EVC2: variants seen among roughly 807,000 people sequenced by gnomAD.
EVC2 encodes EvC ciliary complex subunit 2.
A neutral mutation model predicts 149.3 loss-of-function variants in EVC2; 148 were observed. The ratio of observed to expected loss-of-function variants is 0.99; its 90% CI spans 0.87 to 1.14. The LOEUF (loss-of-function observed/expected upper bound fraction) is 1.14, where lower values mean the gene tolerates loss of function less well. EVC2 is among the 50% of genes most tolerant of loss of function. EVC2 has a pLI of 0.00. For synonymous variants in EVC2, 776 were observed against 649.9 expected (o/e 1.19, Z -2.95); for missense variants, 1,854 against 1,627.3 (o/e 1.14, Z -2.40).
At chr4:5,669,392 T>C (rs1719483959) in intron 7 of EVC2, among the ~76,000 whole-genome samples, 1 of 152,212 alleles carries the variant, frequency 6.6e-6, no homozygotes, top group Non-Finnish European at 1.5e-5. Flanking sequence ...TTAATTGATG[T>C]CCACAGCTAA....
intron 7 of EVC2, among the ~76,000 whole-genome samples, chr4:5,675,030 G>C (rs1403067919): frequency 2.6e-5 from 4 of 152,154 alleles, no homozygotes; most frequent in Non-Finnish European, 5.9e-5. Context: ...AGAGTGACAC[G>C]GGCCGCCACT....
rs1577175315 is a variant in EVC2 at position 5,625,863 on chromosome 4, C to T, written c.1932G>A (p.Arg644=). The T allele has an allele frequency of 1.9e-6, 3 of 1,613,990 alleles. No homozygotes were observed. Among genetic ancestry groups the T allele is most frequent in the East Asian group, 4.5e-5 (2 of 44,866 alleles). ...DEDQMEMLLE[R]AQTEVFSIKQ... ...TGATTGAAAAGACTTCTGTCTGAGC[C>T]CGCTCCAATAGCATTTCCATTTGGT... is the stretch of plus-strand genomic sequence containing the variant. Residue 644 remains arginine, a synonymous_variant, in exon 13 of 22, where the codon CGG becomes CGA. Coordinates refer to ENST00000344408, the MANE Select transcript of EVC2 (RefSeq NM_147127.5). This position sits in a 1 kb window ranked among gnomAD's most constrained non-coding sequence, Gnocchi z 4.0.
chr4:5,647,687 C>T (rs76191785), intron 9 of EVC2, among the ~76,000 whole-genome samples: 5,807 of 152,248 alleles, frequency 0.038, 388 homozygotes, highest in African/African-American at 0.13. Context: ...ACATCTTAAA[C>T]GAAGCCTTAT....
At chr4:5,626,954 C>G (rs774076629) in intron 12 of EVC2, among the ~76,000 whole-genome samples, 2 of 152,200 alleles carry the variant, frequency 1.3e-5, no homozygotes, top group Non-Finnish European at 2.9e-5. Context: ...AGCTTGCAGG[C>G]AGCAGACAAT....
At position 5,697,602 on chromosome 4, in the gene EVC2, T is replaced by TA. The variant is rs2151739536; in HGVS notation, c.273dup (p.Lys92Ter). 2 of 1,614,166 alleles carry TA rather than the reference T, an allele frequency of 1.2e-6. No individual in the cohort carries two copies. Among genetic ancestry groups the TA allele is most frequent in the South Asian group, 1.1e-5 (1 of 91,090 alleles). ...CAGAAGAAAAACTCACCTGCAGTCT[T>TA]AAAGTGACAGCATTCCACTTTGGGC... is the stretch of plus-strand genomic sequence containing the variant. On this transcript the variant is annotated frameshift_variant, in exon 2 of 22. Coordinates refer to ENST00000344408, the MANE Select transcript of EVC2 (RefSeq NM_147127.5). LOFTEE classifies it high-confidence loss of function.
chr4:5,685,502 G>T (rs756494631), intron 5 of EVC2, 23 bp from the exon 6 acceptor site: 2 of 1,607,622 alleles, frequency 1.2e-6, no homozygotes, highest in East Asian at 2.2e-5. Context: ...AAGCACATGT[G>T]ACTCAGGGAG....
intron 16 of EVC2, among the ~76,000 whole-genome samples, chr4:5,607,242 C>T (rs1386209539): frequency 3.9e-5 from 6 of 151,978 alleles, no homozygotes; most frequent in South Asian, 2.1e-4. Flanking sequence ...TTGAGATGTA[C>T]GATCTCTCTA....
At chr4:5,667,762 G>C (rs1047733483) in intron 7 of EVC2, among the ~76,000 whole-genome samples, 1 of 152,254 alleles carries the variant, frequency 6.6e-6, no homozygotes, top group Admixed American at 6.5e-5. Flanking sequence ...TAGGGACTCA[G>C]TGTCCAGGGT....
At chr4:5,605,340 A>T (rs1714302799) in intron 16 of EVC2, among the ~76,000 whole-genome samples, 1 of 152,126 alleles carries the variant, frequency 6.6e-6, no homozygotes, top group African/African-American at 2.4e-5. Context: ...TCTGCTCTAC[A>T]AATCATAGAC....
intron 13 of EVC2, 36 bp from the exon 14 acceptor site, chr4:5,623,027 G>A: frequency 5.6e-6 from 9 of 1,603,200 alleles, no homozygotes; most frequent in Non-Finnish European, 6.0e-6. Context: ...GTGGGGGTGG[G>A]GCTTGGCGGG....
intron 6 of EVC2, 109 bp from the exon 7 acceptor site, chr4:5,681,422 T>C: frequency 9.0e-7 from 1 of 1,113,076 alleles, no homozygotes; most frequent in Middle Eastern, 1.9e-4. Context: ...CAATCAGCCC[T>C]AACTGCTGCA....
At chr4:5,626,640 T>G (rs1174858300) in intron 12 of EVC2, among the ~76,000 whole-genome samples, 2 of 152,018 alleles carry the variant, frequency 1.3e-5, no homozygotes, top group Non-Finnish European at 2.9e-5. Context: ...GGCCGAAACA[T>G]TCTTTTTGGG....
intron 16 of EVC2, among the ~76,000 whole-genome samples, chr4:5,612,887 A>G (rs1318479951): frequency 7.4e-6 from 1 of 134,356 alleles, no homozygotes; most frequent in African/African-American, 2.9e-5. Flanking sequence ...GTGCCACTGC[A>G]CTCCAGCCTG....
the EVC2 span, among the ~76,000 whole-genome samples, chr4:5,535,642 A>AGAGAG: frequency 1.3e-5 from 2 of 151,582 alleles, no homozygotes; most frequent in Non-Finnish European, 2.9e-5. This position sits in a 1 kb window ranked among gnomAD's most constrained non-coding sequence, Gnocchi z 4.7. Context: ...AGAAAGAGAT[A>AGAGAG]ATCTCCTGTT....
intron 21 of EVC2, among the ~76,000 whole-genome samples, chr4:5,549,805 G>C (rs1441794962): frequency 1.3e-5 from 2 of 152,172 alleles, no homozygotes; most frequent in Admixed American, 6.5e-5. Flanking sequence ...ATATGGTTTT[G>C]CTGTATCCCC....
rs1722955214 is a variant in EVC2, at chr4:5,576,666, A to G, written c.3058-212T>C. ...TGCCTCCACATAGGCCGTTCCCTCC[A>G]CCTGCAGTGCCTTTCTCTGTCTGCC... is the stretch of plus-strand genomic sequence containing the variant. On this transcript the variant is annotated intron_variant, in intron 17 of 21. Transcript: ENST00000344408. This position sits in a 1 kb window ranked among gnomAD's most constrained non-coding sequence, Gnocchi z 4.5. Among the ~76,000 whole-genome samples, 1 of 151,870 alleles carries G rather than the reference A, an allele frequency of 6.6e-6. No homozygotes were observed. Among genetic ancestry groups the G allele is most frequent in the Admixed American group, 6.6e-5 (1 of 15,248 alleles).
At chr4:5,620,876 T>C (rs1363291114) in intron 14 of EVC2, among the ~76,000 whole-genome samples, 1 of 152,156 alleles carries the variant, frequency 6.6e-6, no homozygotes, top group African/African-American at 2.4e-5. Flanking sequence ...AGTTTGAACA[T>C]GAGAAGAGAA....
chr4:5,662,990 A>G, intron 9 of EVC2, 117 bp downstream of exon 9: 1 of 1,384,156 alleles, frequency 7.2e-7, no homozygotes, highest in African/African-American at 1.4e-5. Flanking sequence ...AATTATGACT[A>G]CAGAGTGACA....
chr4:5,635,098 G>A (rs1433611788), intron 10 of EVC2, among the ~76,000 whole-genome samples: 1 of 132,526 alleles, frequency 7.5e-6, no homozygotes, highest in African/African-American at 3.0e-5. Flanking sequence ...GTGAAGTGCT[G>A]CTATCTTGGT....
Sources: allele counts gnomAD v4.1 joint callset (sites outside exome capture counted in the v4.1 genomes callset), GRCh38; gene constraint gnomAD v4.1.1; non-coding constraint Gnocchi (gnomAD v3.1); transcripts MANE v1.5; gene names NCBI Gene and HGNC (gene_info 2026-07-23, HGNC 2026-07-21).